RNF38: variants seen among roughly 807,000 people sequenced by gnomAD.
The protein encoded by RNF38 is ring finger protein 38.
In RNF38, 15 loss-of-function variants were observed where a neutral mutation model predicts 67.2. That is an observed-to-expected ratio of 0.22 (90% CI 0.15 to 0.34). RNF38 has a LOEUF of 0.34. RNF38 is among the 10% of genes least tolerant of loss of function. The pLI is 1.00. For missense variants in RNF38, 524 were observed against 639.9 expected, an observed-to-expected ratio of 0.82 and a Z score of 1.95; for synonymous variants, 220 against 218.8, an observed-to-expected ratio of 1.01 and a Z score of -0.05.
intron 2 of RNF38, among the ~76,000 whole-genome samples, chr9:36,380,285 C>T (rs910484383): frequency 1.3e-5 from 2 of 152,166 alleles, no homozygotes; most frequent in African/African-American, 2.4e-5. Flanking sequence ...CTGCAACCTC[C>T]GCCTCCTGGG....
intron 1 of RNF38, among the ~76,000 whole-genome samples, chr9:36,443,826 G>A (rs1006546749): frequency 7.9e-5 from 12 of 152,126 alleles, no homozygotes; most frequent in Non-Finnish European, 1.2e-4. Flanking sequence ...AGGAGGTTAC[G>A]GATAAGAACA....
At chr9:36,485,027 G>A (rs1840370931) in intron 1 of RNF38, among the ~76,000 whole-genome samples, 1 of 152,272 alleles carries the variant, frequency 6.6e-6, no homozygotes, top group East Asian at 1.9e-4. Context: ...AAATTAGCCG[G>A]GCATGGTGGC....
intron 2 of RNF38, among the ~76,000 whole-genome samples, chr9:36,414,773 G>T (rs1476585830): frequency 6.7e-6 from 1 of 150,174 alleles, no homozygotes; most frequent in South Asian, 2.1e-4. Context: ...CTCAGCATTT[G>T]TTTGTCTGAA....
chr9:36,358,039 G>T, intron 4 of RNF38, 97 bp from the exon 5 acceptor site: 2 of 934,082 alleles, frequency 2.1e-6, no homozygotes, highest in Non-Finnish European at 3.3e-6. Flanking sequence ...TCCTCTCTCA[G>T]CTACACGGAT....
At chr9:36,391,257 A>G (rs947345082) in intron 1 of RNF38, among the ~76,000 whole-genome samples, 2 of 152,228 alleles carry the variant, frequency 1.3e-5, no homozygotes, top group Admixed American at 1.3e-4. Context: ...CTGTAATCCC[A>G]GCACTTTGGT....
chr9:36,400,086 A>G lies in RNF38; in HGVS notation c.12+11T>C, dbSNP rs1460204013. The G allele has an allele frequency of 1.2e-6, 2 of 1,612,210 alleles. No individual in the cohort carries two copies. Among genetic ancestry groups the G allele is most frequent in the Non-Finnish European group, 1.7e-6 (2 of 1,178,924 alleles). On this transcript the variant is annotated intron_variant, in intron 1 of 11. Transcript: ENST00000259605. ...TATATCATTTTTGCAACACAAAGAAAAATACTTTACCTTACAAGCCATACA... is the reference window on the plus strand; with the variant it reads ...TATATCATTTTTGCAACACAAAGAAGAATACTTTACCTTACAAGCCATACA...
intron 2 of RNF38, among the ~76,000 whole-genome samples, chr9:36,376,990 A>G (rs1180172668): frequency 2.0e-5 from 3 of 152,146 alleles, no homozygotes; most frequent in Non-Finnish European, 2.9e-5. Context: ...AGATAAAGAA[A>G]TAGCAGATTT....
At chr9:36,455,391 G>C (rs1358635435) in intron 1 of RNF38, among the ~76,000 whole-genome samples, 3 of 151,992 alleles carry the variant, frequency 2.0e-5, no homozygotes, top group Admixed American at 2.0e-4. Context: ...CTTTATCTCA[G>C]TTGAGAAAGT....
intron 1 of RNF38, among the ~76,000 whole-genome samples, chr9:36,433,211 C>T (rs1302217587): frequency 6.6e-6 from 1 of 150,866 alleles, no homozygotes; most frequent in African/African-American, 2.4e-5. Context: ...TAGTATCTGA[C>T]AGCACAACAG....
chr9:36,376,741 C>A (rs1476594057), intron 2 of RNF38, among the ~76,000 whole-genome samples: 1 of 151,898 alleles, frequency 6.6e-6, no homozygotes, highest in Non-Finnish European at 1.5e-5. Flanking sequence ...GCCTGGCCAA[C>A]ATGGTGAAAT....
At chr9:36,410,219 C>G (rs1437138575) in intron 2 of RNF38, among the ~76,000 whole-genome samples, 2 of 152,150 alleles carry the variant, frequency 1.3e-5, no homozygotes, top group Non-Finnish European at 2.9e-5. Context: ...ATTATTAAAA[C>G]TTTTAGAAAA....
At chr9:36,468,079 C>CA (rs1171014314) in intron 1 of RNF38, among the ~76,000 whole-genome samples, 1 of 151,992 alleles carries the variant, frequency 6.6e-6, no homozygotes, top group Admixed American at 6.6e-5. Context: ...TCCACCTCTA[C>CA]AAAAAATGTT....
chr9:36,406,612 A>G (rs1216378217), intron 2 of RNF38, among the ~76,000 whole-genome samples: 2 of 152,392 alleles, frequency 1.3e-5, no homozygotes, highest in African/African-American at 4.8e-5. Flanking sequence ...GCAAGGGGTT[A>G]GCACATACCA....
intron 1 of RNF38, among the ~76,000 whole-genome samples, chr9:36,464,961 T>A (rs1395915380): frequency 6.6e-6 from 1 of 152,214 alleles, no homozygotes; most frequent in Admixed American, 6.5e-5. Context: ...CAGAGAATTT[T>A]AAAAGCCTTC....
At position 36,369,925 on chromosome 9, in the gene RNF38, C is replaced by CAGG; in HGVS notation, c.361_363dup (p.Pro121dup). 1 of 1,611,810 alleles carries CAGG rather than the reference C, an allele frequency of 6.2e-7. No homozygotes were observed. Among genetic ancestry groups the CAGG allele is most frequent in the Non-Finnish European group, 8.5e-7 (1 of 1,179,336 alleles). ...TCCCTTCTTCCTCTCTGGCGCCTGA[C>CAGG]AGGAGGACTGTGATAAATATCAAAA... On this transcript the variant is annotated inframe_insertion, in exon 4 of 12. Transcript: ENST00000259605.
At chr9:36,456,745 T>C (rs943524920) in intron 1 of RNF38, among the ~76,000 whole-genome samples, 2 of 152,118 alleles carry the variant, frequency 1.3e-5, no homozygotes, top group African/African-American at 4.8e-5. Context: ...GTTATCTCCC[T>C]GAATCCAGAA....
chr9:36,467,232 A>AATATATAT (rs201500514), intron 1 of RNF38, among the ~76,000 whole-genome samples: 1 of 91,156 alleles, frequency 1.1e-5, no homozygotes, highest in African/African-American at 4.1e-5. Context: ...ATATATATAT[A>AATATATAT]ATATATATAT....
rs910802387 is a variant in RNF38, at chr9:36,351,755, T to G, written c.1179-556A>C. On this transcript the variant is annotated intron_variant, in intron 8 of 11. Transcript: ENST00000259605. ...CATTCCCAGAAAGTAATTATAGACA[T>G]GTGACTAAGTTCTGGCCAATGTGAT... Among the ~76,000 whole-genome samples the G allele has an allele frequency of 2.0e-5, 3 of 152,308 alleles. No homozygotes were observed. In the East Asian group the frequency reaches 5.8e-4, roughly 29 times the overall value.
At chr9:36,399,961 A>T in intron 1 of RNF38, 136 bp downstream of exon 1, 1 of 782,222 alleles carries the variant, frequency 1.3e-6, no homozygotes, top group Non-Finnish European at 2.0e-6. Context: ...ACCGCTTAAG[A>T]AAAAAGAAAT....
Sources: allele counts gnomAD v4.1 joint callset (sites outside exome capture counted in the v4.1 genomes callset), GRCh38; gene constraint gnomAD v4.1.1; transcripts MANE v1.5; gene names NCBI Gene and HGNC (gene_info 2026-07-23, HGNC 2026-07-21).